Variants in SOX5 observed in about 807,000 individuals in gnomAD.
SOX5 encodes the protein transcription factor SOX-5.
In SOX5, 9 loss-of-function variants were observed where a neutral mutation model predicts 92.0. The observed-to-expected ratio is 0.10, with a 90% CI of 0.06 to 0.17. The LOEUF (loss-of-function observed/expected upper bound fraction) is 0.17. Among genes scored for constraint, SOX5 ranks in the 10% least tolerant of loss-of-function variants. SOX5 has a pLI of 1.00. For missense variants in SOX5, 642 were observed against 944.5 expected, an observed-to-expected ratio of 0.68 and a Z score of 4.20; for synonymous variants, 344 against 336.3, an observed-to-expected ratio of 1.02 and a Z score of -0.25.
intron 2 of SOX5, among the ~76,000 whole-genome samples, chr12:24,294,806 C>G (rs1302609870): frequency 1.3e-5 from 2 of 152,234 alleles, no homozygotes; most frequent in African/African-American, 4.8e-5. Context: ...AGGGATGAAG[C>G]CGACAGTGGC....
chr12:24,414,429 A>G (rs1431107347), intron 1 of SOX5, among the ~76,000 whole-genome samples: 1 of 152,198 alleles, frequency 6.6e-6, no homozygotes, highest in Non-Finnish European at 1.5e-5. Flanking sequence ...CCAGGGAAAA[A>G]GTTGGTTCAC....
intron 4 of SOX5, among the ~76,000 whole-genome samples, chr12:24,091,028 A>G (rs1944572961): frequency 2.0e-5 from 3 of 152,184 alleles, no homozygotes; most frequent in Admixed American, 2.0e-4. Context: ...CTGCCTTATA[A>G]TTGTTATTCA....
At chr12:24,412,125 C>T (rs960533610) in intron 1 of SOX5, among the ~76,000 whole-genome samples, 9 of 151,956 alleles carry the variant, frequency 5.9e-5, no homozygotes, top group Admixed American at 3.9e-4. Context: ...ACATCCGTAT[C>T]GTATCGATAC....
At chr12:23,583,926 T>C (rs1397970170) in intron 9 of SOX5, among the ~76,000 whole-genome samples, 1 of 152,074 alleles carries the variant, frequency 6.6e-6, no homozygotes, top group Non-Finnish European at 1.5e-5. Context: ...TGTTTAATGA[T>C]GGAATAGATT....
chr12:24,263,384 C>T (rs1177396114), intron 3 of SOX5, among the ~76,000 whole-genome samples: 7 of 151,530 alleles, frequency 4.6e-5, no homozygotes, highest in East Asian at 1.9e-4. Context: ...AAAAATTAGC[C>T]GGGCGTGGTG....
At chr12:23,626,563 T>A (rs2077815730) in intron 8 of SOX5, among the ~76,000 whole-genome samples, 1 of 152,140 alleles carries the variant, frequency 6.6e-6, no homozygotes, top group South Asian at 2.1e-4. Flanking sequence ...CTCCCATTTT[T>A]TCCTTGATAG....
At chr12:24,064,937 A>T (rs1371215729) in intron 4 of SOX5, among the ~76,000 whole-genome samples, 1 of 152,234 alleles carries the variant, frequency 6.6e-6, no homozygotes, top group Non-Finnish European at 1.5e-5. Context: ...GAAAGTTTAT[A>T]TACATATATT....
At chr12:23,940,268 C>A (rs1191127845) in intron 1 of SOX5, among the ~76,000 whole-genome samples, 3 of 151,102 alleles carry the variant, frequency 2.0e-5, no homozygotes, top group African/African-American at 7.3e-5. Context: ...TAGCTCAGAG[C>A]AAAGTTGGGC....
intron 1 of SOX5, among the ~76,000 whole-genome samples, chr12:24,544,516 A>G (rs1447296113): frequency 6.6e-6 from 1 of 152,214 alleles, no homozygotes; most frequent in East Asian, 1.9e-4. Context: ...TAATGGTGTC[A>G]GTGTGGCCCC....
chr12:23,716,961 C>T (rs1181333290), intron 6 of SOX5, among the ~76,000 whole-genome samples: 2 of 152,154 alleles, frequency 1.3e-5, no homozygotes, highest in African/African-American at 4.8e-5. Context: ...CAAAGGAATG[C>T]CTCTGTGCTC....
intron 4 of SOX5, among the ~76,000 whole-genome samples, chr12:24,080,776 C>T (rs1298953669): frequency 6.6e-6 from 1 of 151,844 alleles, no homozygotes; most frequent in African/African-American, 2.4e-5. Flanking sequence ...GCAGAGTGAG[C>T]ACAAATATTT....
At chr12:23,960,969 T>G (rs2140010437) in intron 4 of SOX5, among the ~76,000 whole-genome samples, 1 of 152,256 alleles carries the variant, frequency 6.6e-6, no homozygotes, top group African/African-American at 2.4e-5. Flanking sequence ...TTACTTTGAA[T>G]GTGAAGCTAA....
rs367630326 is a variant in SOX5, at chr12:24,115,828, C to A, written c.-2+97515G>T. 4.5e-4 allele frequency among the ~76,000 whole-genome samples: 69 copies of A among 152,088 alleles called. 1 individual carries two copies. In the South Asian group the frequency reaches 0.013, roughly 29 times the overall value. On this transcript the variant is annotated intron_variant, in intron 4 of 4. Transcript: ENST00000446891. ...ATAAATAATTGTGTTTTCAGAACAT[C>A]ATTATGTTTTTTAGAACAGAATGCA...
At chr12:23,734,570 A>C (rs937168783) in intron 6 of SOX5, 114 bp downstream of exon 6, 5 of 756,936 alleles carry the variant, frequency 6.6e-6, no homozygotes, top group Non-Finnish European at 1.1e-5. Context: ...CTATGTCATG[A>C]ATTAGCTTGA....
At chr12:23,979,699 T>TG (rs1491299367) in intron 4 of SOX5, among the ~76,000 whole-genome samples, 6 of 23,622 alleles carry the variant, frequency 2.5e-4, no homozygotes, top group Non-Finnish European at 4.4e-4. Flanking sequence ...TATATATATG[T>TG]TTTTTTTGTT....
Position 23,733,939 on chromosome 12 carries a change from C to T in SOX5, c.810+745G>A, listed in dbSNP as rs571762209. 8.5e-5 allele frequency among the ~76,000 whole-genome samples: 13 copies of T among 152,186 alleles called. No homozygotes were observed. The East Asian group carries it at 2.1e-3, about 25-fold the overall frequency. ...ATTGAGCCCTGACACTATGCTAAGGCTCTTTATCCATGATTTCTTTTAACC... is the reference window on the plus strand; with the variant it reads ...ATTGAGCCCTGACACTATGCTAAGGTTCTTTATCCATGATTTCTTTTAACC... On this transcript the variant is annotated intron_variant, in intron 6 of 14. Transcript: ENST00000451604.
At chr12:24,158,029 T>G (rs1226610474) in intron 4 of SOX5, among the ~76,000 whole-genome samples, 1 of 152,082 alleles carries the variant, frequency 6.6e-6, no homozygotes, top group African/African-American at 2.4e-5. Flanking sequence ...TCTTGAAGAC[T>G]CAGGTTAGAG....
intron 3 of SOX5, among the ~76,000 whole-genome samples, chr12:23,767,837 A>G (rs1389183013): frequency 1.3e-5 from 2 of 151,778 alleles, no homozygotes; most frequent in Non-Finnish European, 2.9e-5. Flanking sequence ...ATATATATAT[A>G]TATATAATAA....
At position 23,675,529 on chromosome 12, in the gene SOX5, A is replaced by G. The variant is rs555346535; in HGVS notation, c.811-9965T>C. ...AGACTACAATGTGACCCCAAGCCAT[A>G]CAAAACACACAGAGAAAGTCAACTG... On this transcript the variant is annotated intron_variant, in intron 6 of 14. Coordinates refer to ENST00000451604, the MANE Select transcript of SOX5 (RefSeq NM_006940.6). Among the ~76,000 whole-genome samples, 17 of 152,316 alleles carry G rather than the reference A, an allele frequency of 1.1e-4. No homozygotes were observed. The East Asian group carries it at 3.3e-3, about 29-fold the overall frequency.
Sources: gnomAD v4.1 joint callset for allele counts (sites outside exome capture counted in the v4.1 genomes callset) on GRCh38, gnomAD v4.1.1 for gene constraint, MANE v1.5 for transcripts, NCBI Gene and HGNC (gene_info 2026-07-23, HGNC 2026-07-21) for gene names.